NXPE4: variants seen among roughly 807,000 people sequenced by gnomAD.
NXPE4 encodes the protein neurexophilin and PC-esterase domain family member 4.
Under a neutral mutation model 33.3 loss-of-function variants are expected in NXPE4, and 42 were observed. That is an observed-to-expected ratio of 1.26 (90% CI 0.98 to 1.63). The LOEUF (loss-of-function observed/expected upper bound fraction) is 1.63. Ranked by LOEUF, NXPE4 falls within the 40% of genes most tolerant of loss-of-function variation. NXPE4 has a pLI of 0.00. For synonymous variants in NXPE4, 253 were observed against 234.9 expected, an observed-to-expected ratio of 1.08 and a Z score of -0.71; for missense variants, 709 against 647.6, an observed-to-expected ratio of 1.09 and a Z score of -1.03.
the NXPE4 span, among the ~76,000 whole-genome samples, chr11:114,604,208 T>C: frequency 1.3e-5 from 2 of 152,082 alleles, no homozygotes; most frequent in Non-Finnish European, 2.9e-5. Context: ...AAGTATTGCC[T>C]TGTGGGTAAC....
the NXPE4 span, among the ~76,000 whole-genome samples, chr11:114,620,818 TACCCTGTGTCTAATAAGTGTTGCCTTGTG>T: frequency 2.6e-5 from 4 of 152,114 alleles, no homozygotes; most frequent in Non-Finnish European, 4.4e-5. Flanking sequence ...GAACCACTGT[TACCCTGTGTCTAATAAGTGTTGCCTTGTG>T]GGTAACCACT....
chr11:114,626,180 T>C, the NXPE4 span, among the ~76,000 whole-genome samples: 101,980 of 151,860 alleles, frequency 0.67, 34,520 homozygotes, highest in African/African-American at 0.75. Flanking sequence ...CACCACAGCT[T>C]AAGGAGGGCT....
chr11:114,572,451 CTTAAA>C (rs1410053079), intron 5 of NXPE4, among the ~76,000 whole-genome samples: 1 of 151,834 alleles, frequency 6.6e-6, no homozygotes, highest in Non-Finnish European at 1.5e-5. Context: ...TGAAGTCCAA[CTTAAA>C]TTAAAAACAT....
the NXPE4 span, among the ~76,000 whole-genome samples, chr11:114,668,262 C>T: frequency 6.6e-6 from 1 of 151,966 alleles, no homozygotes. Flanking sequence ...TAGAGGGAGA[C>T]TTCTGGAGGA....
At chr11:114,588,577 G>A (rs1404951819) in intron 2 of NXPE4, among the ~76,000 whole-genome samples, 3 of 152,108 alleles carry the variant, frequency 2.0e-5, no homozygotes, top group Non-Finnish European at 4.4e-5. Flanking sequence ...AGAAATAGGG[G>A]AGCCATCATT....
At position 114,571,049 on chromosome 11, in the gene NXPE4, C is replaced by T. The variant is rs779615426; in HGVS notation, c.1524G>A (p.Val508=). The part of the protein sequence containing the change: ...IIKDIFQDLS[V]SIIDAWDITI... ...TTATATCCCAGGCATCAATGATACT[C>T]ACACTGAGATCCTGGAAAATGTCCT... Residue 508 remains valine, a synonymous_variant, in exon 6 of 6, where the codon GTG becomes GTA. Coordinates refer to ENST00000375478, the MANE Select transcript of NXPE4 (RefSeq NM_001077639.2). 14 of 1,613,586 alleles carry T rather than the reference C, an allele frequency of 8.7e-6. No homozygotes were observed. Among genetic ancestry groups the T allele is most frequent in the African/African-American group, 5.3e-5 (4 of 74,892 alleles).
chr11:114,639,727 TATA>T, the NXPE4 span, among the ~76,000 whole-genome samples: 1 of 123,786 alleles, frequency 8.1e-6, no homozygotes, highest in East Asian at 2.3e-4. Context: ...AATATAGTAA[TATA>T]ATATAAAATA....
At chr11:114,603,039 G>A in the NXPE4 span, among the ~76,000 whole-genome samples, 19 of 150,956 alleles carry the variant, frequency 1.3e-4, no homozygotes, top group Admixed American at 5.3e-4. Context: ...ATACGGAACC[G>A]TATATAATAA....
At chr11:114,636,606 A>G in the NXPE4 span, among the ~76,000 whole-genome samples, 4 of 152,070 alleles carry the variant, frequency 2.6e-5, no homozygotes, top group South Asian at 8.3e-4. Context: ...ATTTAGTGCT[A>G]TAAATTTCCC....
the NXPE4 span, among the ~76,000 whole-genome samples, chr11:114,655,820 A>T: frequency 3.3e-5 from 5 of 152,214 alleles, no homozygotes; most frequent in Admixed American, 3.3e-4. Flanking sequence ...AGAGCGATTT[A>T]TGACAAACCC....
chr11:114,603,734 A>G, the NXPE4 span, among the ~76,000 whole-genome samples: 13,898 of 150,956 alleles, frequency 0.092, 753 homozygotes, highest in Middle Eastern at 0.2. Context: ...AACTCCTATT[A>G]CCCAGTGGAT....
the NXPE4 span, among the ~76,000 whole-genome samples, chr11:114,669,072 C>T: frequency 6.6e-6 from 1 of 151,960 alleles, no homozygotes; most frequent in Non-Finnish European, 1.5e-5. Flanking sequence ...ACAGAAAATT[C>T]CTATGCTCTG....
chr11:114,655,127 C>G, the NXPE4 span, among the ~76,000 whole-genome samples: 3 of 150,062 alleles, frequency 2.0e-5, no homozygotes, highest in African/African-American at 4.8e-5. Flanking sequence ...TATCTTCTTT[C>G]GAGAAGTGTC....
chr11:114,594,649 T>C lies in NXPE4; in HGVS notation c.96+15A>G. 1 of 1,537,658 alleles carries C rather than the reference T, an allele frequency of 6.5e-7. No homozygotes were observed. Among genetic ancestry groups the C allele is most frequent in the Non-Finnish European group, 8.9e-7 (1 of 1,117,960 alleles). The stretch of plus-strand genomic sequence containing the variant: ...AATAAGCTTCTGTAAACCACATAAA[T>C]AAAGCATTTCCTACCTTTGTGGAGT... On this transcript the variant is annotated intron_variant, in intron 2 of 5. Transcript: ENST00000375478.
the NXPE4 span, among the ~76,000 whole-genome samples, chr11:114,613,719 TAA>T: frequency 6.6e-6 from 1 of 152,042 alleles, no homozygotes; most frequent in East Asian, 1.9e-4. Context: ...CAGCAGGTAA[TAA>T]GTGTTGTCTC....
the NXPE4 span, among the ~76,000 whole-genome samples, chr11:114,637,273 C>G: frequency 4.6e-5 from 7 of 151,774 alleles, 1 homozygote; most frequent in Admixed American, 4.6e-4. Context: ...TTATCAGAGA[C>G]TAGGATTGCA....
the NXPE4 span, among the ~76,000 whole-genome samples, chr11:114,631,933 T>C: frequency 6.6e-6 from 1 of 151,044 alleles, no homozygotes; most frequent in Non-Finnish European, 1.5e-5. Context: ...CGGTGGATAA[T>C]AAATATTGCC....
At chr11:114,577,478 A>G (rs2135203444) in intron 5 of NXPE4, among the ~76,000 whole-genome samples, 1 of 152,254 alleles carries the variant, frequency 6.6e-6, no homozygotes, top group South Asian at 2.1e-4. Flanking sequence ...GTGCATCAAA[A>G]TCTCAGAAAT....
At chr11:114,644,442 T>G in the NXPE4 span, among the ~76,000 whole-genome samples, 1 of 152,200 alleles carries the variant, frequency 6.6e-6, no homozygotes, top group Non-Finnish European at 1.5e-5. Flanking sequence ...AATACCTAGT[T>G]TATTGAGAGT....
Sources: gnomAD v4.1 joint callset for allele counts (sites outside exome capture counted in the v4.1 genomes callset) on GRCh38, gnomAD v4.1.1 for gene constraint, MANE v1.5 for transcripts, NCBI Gene and HGNC (gene_info 2026-07-23, HGNC 2026-07-21) for gene names.